HIPK2: variants seen among roughly 807,000 people sequenced by gnomAD.
HIPK2 encodes homeodomain interacting protein kinase 2.
Under a neutral mutation model 113.7 loss-of-function variants are expected in HIPK2, and 27 were observed. The ratio of observed to expected loss-of-function variants is 0.24; its 90% CI spans 0.17 to 0.33. HIPK2 has a LOEUF of 0.33. Ranked by LOEUF, HIPK2 falls within the 10% of genes least tolerant of loss-of-function variation. The pLI is 1.00. For synonymous variants in HIPK2, 631 were observed against 642.2 expected (o/e 0.98, Z 0.26); for missense variants, 1,257 against 1,588.0 (o/e 0.79, Z 3.54).
chr7:139,721,114 G>T (rs1212571200), intron 1 of HIPK2, among the ~76,000 whole-genome samples: 1 of 152,198 alleles, frequency 6.6e-6, no homozygotes, highest in Admixed American at 6.5e-5. Flanking sequence ...GGCCCCTGCT[G>T]CCCCTTTATG....
intron 1 of HIPK2, among the ~76,000 whole-genome samples, chr7:139,719,296 G>A (rs1795339789): frequency 1.3e-5 from 2 of 151,928 alleles, no homozygotes; most frequent in Admixed American, 1.3e-4. Context: ...TAGTAGAGAC[G>A]GGGTTTCATG....
rs1880411 is a variant in HIPK2 at position 139,634,270 on chromosome 7, C to T, written c.1104-2545G>A. Reference sequence around the variant, plus strand: ...AGTTGCCTTGTTGCTATTTAATGAACCTTCCGTTGTCCCCATCGCCTGCTG... The same window carrying T: ...AGTTGCCTTGTTGCTATTTAATGAATCTTCCGTTGTCCCCATCGCCTGCTG... On this transcript the variant is annotated intron_variant, in intron 2 of 14. Coordinates refer to ENST00000406875, the MANE Select transcript of HIPK2 (RefSeq NM_022740.5). 4.7e-3 allele frequency among the ~76,000 whole-genome samples: 716 copies of T among 152,142 alleles called. 6 individuals are homozygous for T. Among genetic ancestry groups the T allele is most frequent in the African/African-American group, 0.017 (687 of 41,486 alleles).
chr7:139,646,530 AAAAG>A (rs1003040218), intron 2 of HIPK2, among the ~76,000 whole-genome samples: 39 of 149,010 alleles, frequency 2.6e-4, no homozygotes, highest in Middle Eastern at 3.5e-3. Context: ...GGAAAGAAAG[AAAAG>A]AAAGTTTTCA....
intron 2 of HIPK2, among the ~76,000 whole-genome samples, chr7:139,705,476 A>G (rs1794863932): frequency 6.6e-6 from 1 of 151,720 alleles, no homozygotes; most frequent in African/African-American, 2.4e-5. Context: ...TCCTGGGTTC[A>G]TGCCATTCTC....
intron 2 of HIPK2, among the ~76,000 whole-genome samples, chr7:139,715,610 T>C (rs1293773229): frequency 6.6e-6 from 1 of 152,194 alleles, no homozygotes; most frequent in Non-Finnish European, 1.5e-5. Context: ...GGACTGTGGA[T>C]GGCACATCCC....
intron 9 of HIPK2, among the ~76,000 whole-genome samples, chr7:139,612,714 T>C (rs980264837): frequency 6.6e-6 from 1 of 152,218 alleles, no homozygotes; most frequent in East Asian, 1.9e-4. Flanking sequence ...CATCTCATTC[T>C]ACCATCAGAG....
intron 11 of HIPK2, 155 bp downstream of exon 11, chr7:139,600,262 C>T (rs984523912): frequency 4.5e-5 from 18 of 402,896 alleles, no homozygotes; most frequent in Non-Finnish European, 5.7e-5. Context: ...CCAGGTGGTA[C>T]AGGATGTTTT....
intron 11 of HIPK2, 93 bp from the exon 12 acceptor site, chr7:139,597,091 C>A: frequency 7.3e-7 from 1 of 1,368,290 alleles, no homozygotes; most frequent in Non-Finnish European, 9.9e-7. Flanking sequence ...CCTGCTTTGC[C>A]AAATCTCTGT....
intron 1 of HIPK2, among the ~76,000 whole-genome samples, chr7:139,727,552 A>G (rs1400933082): frequency 6.6e-6 from 1 of 152,184 alleles, no homozygotes; most frequent in Non-Finnish European, 1.5e-5. Context: ...TTCTCCACAC[A>G]TCTATCTACT....
At chr7:139,754,195 T>C (rs1397220698) in intron 1 of HIPK2, among the ~76,000 whole-genome samples, 2 of 152,250 alleles carry the variant, frequency 1.3e-5, no homozygotes, top group African/African-American at 4.8e-5. Flanking sequence ...GAGGAGATAC[T>C]GCACCTCAGG....
intron 1 of HIPK2, among the ~76,000 whole-genome samples, chr7:139,717,277 T>C (rs1207453122): frequency 6.6e-6 from 1 of 152,168 alleles, no homozygotes; most frequent in Admixed American, 6.5e-5. Context: ...AGAATTCCAA[T>C]ATCAGGACAT....
At chr7:139,760,774 A>C (rs1585462057) in intron 1 of HIPK2, among the ~76,000 whole-genome samples, 2 of 152,334 alleles carry the variant, frequency 1.3e-5, no homozygotes, top group Admixed American at 1.3e-4. Flanking sequence ...TTGTCCACTG[A>C]AGTTCTCTAG....
intron 1 of HIPK2, among the ~76,000 whole-genome samples, chr7:139,741,273 C>T (rs1055612731): frequency 6.6e-6 from 1 of 152,152 alleles, no homozygotes; most frequent in Non-Finnish European, 1.5e-5. Flanking sequence ...ATTCCCTTCA[C>T]TTTTCATCCA....
rs1048983701 is a variant in HIPK2, at chr7:139,571,961, A to G, written c.*966T>C. The G allele has an allele frequency of 6.6e-6, 1 of 152,230 alleles. No homozygotes were observed. Among genetic ancestry groups the G allele is most frequent in the Non-Finnish European group, 1.5e-5 (1 of 68,056 alleles). The allele number at this position is 152,230 out of a possible 1,614,324, so 9.4% of individuals were successfully genotyped here. On this transcript the variant is annotated 3_prime_UTR_variant, in exon 15 of 15. Coordinates refer to ENST00000406875, the MANE Select transcript of HIPK2 (RefSeq NM_022740.5). ...ATGTTATATCGCTTTTTTTTGTGCA[A>G]TTACATTGAGGAATATTCTATTGGT...
At chr7:139,703,808 CACACACT>C (rs1794788199) in intron 2 of HIPK2, among the ~76,000 whole-genome samples, 1 of 134,326 alleles carries the variant, frequency 7.4e-6, no homozygotes. Flanking sequence ...CCCCACACCC[CACACACT>C]ACACCCAACA....
chr7:139,674,293 G>A (rs904846768), intron 2 of HIPK2, among the ~76,000 whole-genome samples: 3 of 152,174 alleles, frequency 2.0e-5, no homozygotes, highest in Non-Finnish European at 2.9e-5. Flanking sequence ...GTGGAGTGAG[G>A]TGGGTGTTTG....
At chr7:139,627,631 TA>T (rs1477556212) in intron 5 of HIPK2, among the ~76,000 whole-genome samples, 2 of 152,360 alleles carry the variant, frequency 1.3e-5, no homozygotes, top group African/African-American at 4.8e-5. Flanking sequence ...TCTAAGCTGC[TA>T]ATCAACTGAC....
At chr7:139,609,340 GGT>G (rs1243883311) in intron 9 of HIPK2, among the ~76,000 whole-genome samples, 4 of 152,090 alleles carry the variant, frequency 2.6e-5, no homozygotes, top group African/African-American at 9.7e-5. Context: ...ACATCCTCTG[GGT>G]GCCCCACAGA....
chr7:139,694,184 T>C (rs758782457), intron 2 of HIPK2, among the ~76,000 whole-genome samples: 1 of 152,346 alleles, frequency 6.6e-6, no homozygotes, highest in Non-Finnish European at 1.5e-5. Context: ...CAAAAATTCA[T>C]CTGCTCTTTC....
Sources: gnomAD v4.1 joint callset for allele counts (sites outside exome capture counted in the v4.1 genomes callset) on GRCh38, gnomAD v4.1.1 for gene constraint, MANE v1.5 for transcripts, NCBI Gene and HGNC (gene_info 2026-07-23, HGNC 2026-07-21) for gene names.